The following DOCK4 variants were observed in gnomAD, a reference collection of about 807,000 sequenced individuals.
DOCK4 encodes the protein dedicator of cytokinesis 4, also known as dedicator of cytokinesis protein 4.
In DOCK4, 97 loss-of-function variants were observed where a neutral mutation model predicts 268.1. The observed-to-expected ratio is 0.36, with a 90% CI of 0.31 to 0.43. The LOEUF (loss-of-function observed/expected upper bound fraction) is 0.43, where lower values mean the gene tolerates loss of function less well. DOCK4 is among the 20% of genes least tolerant of loss of function. The pLI, the probability that DOCK4 is intolerant of heterozygous loss-of-function variation, is 1.00. For missense variants in DOCK4, 2,145 were observed against 2,455.7 expected (o/e 0.87, Z 2.67); for synonymous variants, 954 against 887.2 (o/e 1.08, Z -1.34).
intron 1 of DOCK4, among the ~76,000 whole-genome samples, chr7:112,175,599 AT>A (rs10715526): frequency 0.16 from 23,641 of 151,852 alleles, 3,286 homozygotes; most frequent in African/African-American, 0.37. Context: ...AAACTCTCAT[AT>A]TTTTTTTCAG....
intron 26 of DOCK4, among the ~76,000 whole-genome samples, chr7:111,826,736 G>A (rs1016329765): frequency 2.3e-4 from 35 of 152,066 alleles, no homozygotes; most frequent in African/African-American, 8.0e-4. Flanking sequence ...AAAGAAGGGA[G>A]GGAGGGAGAA....
At chr7:112,083,931 C>A (rs878957194) in intron 1 of DOCK4, among the ~76,000 whole-genome samples, 2 of 152,154 alleles carry the variant, frequency 1.3e-5, no homozygotes, top group Non-Finnish European at 2.9e-5. Context: ...CTTTGACCAA[C>A]GGAATGGAAT....
chr7:112,090,342 T>C (rs2135755717), intron 1 of DOCK4, among the ~76,000 whole-genome samples: 1 of 152,278 alleles, frequency 6.6e-6, no homozygotes, highest in East Asian at 1.9e-4. Flanking sequence ...CTGTACAATA[T>C]AGAGTTATGG....
chr7:111,881,865 G>T (rs1807419941), intron 16 of DOCK4, among the ~76,000 whole-genome samples: 2 of 152,100 alleles, frequency 1.3e-5, no homozygotes. Context: ...TTTTTTGTGG[G>T]ATCTAAAAAC....
intron 52 of DOCK4, 73 bp from the exon 53 acceptor site, chr7:111,728,793 C>G: frequency 7.0e-7 from 1 of 1,430,130 alleles, no homozygotes; most frequent in South Asian, 1.4e-5. Flanking sequence ...GAAATGTACG[C>G]CCCGACGCGG....
At chr7:111,748,071 A>T (rs191337941) in intron 42 of DOCK4, among the ~76,000 whole-genome samples, 158 of 152,322 alleles carry the variant, frequency 1.0e-3, no homozygotes, top group African/African-American at 3.6e-3. Flanking sequence ...TCCAGGCTGT[A>T]TGGAGGACCT....
intron 51 of DOCK4, chr7:111,732,520 A>ATATGATGC: frequency 1.8e-6 from 1 of 569,760 alleles, no homozygotes; most frequent in Non-Finnish European, 3.1e-6. Flanking sequence ...ATCATGGCAT[A>ATATGATGC]TATGATGCTT....
At chr7:111,786,397 T>C (rs911589780) in intron 32 of DOCK4, among the ~76,000 whole-genome samples, 3 of 152,192 alleles carry the variant, frequency 2.0e-5, no homozygotes, top group Non-Finnish European at 4.4e-5. Context: ...CAGAATTTAG[T>C]TGTGATACTC....
At position 112,178,754 on chromosome 7, in the gene DOCK4, AT is replaced by A. The variant is rs138969235; in HGVS notation, c.37+27347del. On this transcript the variant is annotated intron_variant, in intron 1 of 52. Transcript: ENST00000428084. ...AAAAAGGGATCCAAAAAATAAAAATATTTTTTCTAAGCCTCATTCATCATAT... is the reference window on the plus strand; with the variant it reads ...AAAAAGGGATCCAAAAAATAAAAATATTTTTCTAAGCCTCATTCATCATAT... Among the ~76,000 whole-genome samples the A allele has an allele frequency of 8.3e-3, 1,268 of 152,148 alleles. 15 individuals carry two copies. The highest frequency in any genetic ancestry group is 0.034 in the Middle Eastern group (10 of 294).
At chr7:112,009,516 C>A (rs775339421) in intron 1 of DOCK4, among the ~76,000 whole-genome samples, 80 of 152,278 alleles carry the variant, frequency 5.3e-4, no homozygotes, top group Middle Eastern at 6.8e-3. Context: ...GGTCTGAAAA[C>A]ATAGCAGTGT....
chr7:112,033,820 G>T (rs764856230), intron 1 of DOCK4, among the ~76,000 whole-genome samples: 13 of 152,260 alleles, frequency 8.5e-5, no homozygotes, highest in Non-Finnish European at 1.3e-4. Context: ...GAAAAAATAA[G>T]TCTTAAGAGA....
chr7:111,928,586 C>CTTTTTT (rs200976875), intron 12 of DOCK4, among the ~76,000 whole-genome samples: 51 of 129,458 alleles, frequency 3.9e-4, no homozygotes, highest in African/African-American at 5.4e-4. Flanking sequence ...TTTTCTTTTT[C>CTTTTTT]TTTTTTTTTT....
intron 12 of DOCK4, among the ~76,000 whole-genome samples, chr7:111,933,761 A>G (rs528773255): frequency 2.0e-5 from 3 of 152,304 alleles, no homozygotes; most frequent in Non-Finnish European, 4.4e-5. Flanking sequence ...CTTTGTCCAA[A>G]GCAAAGGGCC....
chr7:111,769,604 G>C lies in DOCK4; in HGVS notation c.3753C>G (p.Thr1251=). Residue 1251 remains threonine, a synonymous_variant, in exon 37 of 53, where the codon ACC becomes ACG. Coordinates refer to ENST00000428084, the MANE Select transcript of DOCK4 (RefSeq NM_001363540.2). ...GCTGCCATTCTGTTTGCATGGGGTA[G>C]GTCAGGAACTCCCTGAGGGGCCGAT... ...WSDRPLREFL[T]YPMQTEWQRK... 1 of 1,613,774 alleles carries C rather than the reference G, an allele frequency of 6.2e-7. No individual in the cohort carries two copies. The highest frequency in any genetic ancestry group is 8.5e-7 in the Non-Finnish European group (1 of 1,179,818).
At chr7:112,048,209 C>G (rs1225136819) in intron 1 of DOCK4, among the ~76,000 whole-genome samples, 1 of 151,696 alleles carries the variant, frequency 6.6e-6, no homozygotes, top group African/African-American at 2.4e-5. Context: ...AACTATACAT[C>G]ATAATTAAAC....
In DOCK4 at chr7:111,822,375, A is replaced by G. The variant is rs1249486335; in HGVS notation, c.2917T>C (p.Leu973=). ...TAAATGTCTTACTTGTTAGCAACCA[A>G]GCGCATAACAGTCCAGTCCTTTGGA... ...MFPKDWTVMR[L]VANNVIITTV... Residue 973 remains leucine, a synonymous_variant, in exon 27 of 53, where the codon TTG becomes CTG. Coordinates refer to ENST00000428084, the MANE Select transcript of DOCK4 (RefSeq NM_001363540.2). 6.2e-7 allele frequency: 1 copy of G among 1,612,988 alleles called. No homozygotes were observed. The highest frequency in any genetic ancestry group is 1.7e-5 in the Admixed American group (1 of 59,988).
intron 1 of DOCK4, among the ~76,000 whole-genome samples, chr7:112,147,402 T>C (rs1815613456): frequency 6.6e-6 from 1 of 152,204 alleles, no homozygotes; most frequent in African/African-American, 2.4e-5. Context: ...GACATTTATA[T>C]CAGTGCATGT....
chr7:111,802,558 G>A lies in DOCK4; in HGVS notation c.3166+6263C>T, dbSNP rs575307999. Among the ~76,000 whole-genome samples, 23 of 152,216 alleles carry A rather than the reference G, an allele frequency of 1.5e-4. No individual in the cohort carries two copies. In the East Asian group the frequency reaches 4.3e-3, roughly 28 times the overall value. The stretch of plus-strand genomic sequence containing the variant: ...GGAATAGTTCTCCCATGCCTGAGCT[G>A]GTAGATGAGATTCAGAGCTTCTATG... On this transcript the variant is annotated intron_variant, in intron 30 of 52. Transcript: ENST00000428084.
At chr7:111,917,436 G>A (rs1406047435) in intron 12 of DOCK4, among the ~76,000 whole-genome samples, 5 of 151,954 alleles carry the variant, frequency 3.3e-5, no homozygotes, top group Non-Finnish European at 5.9e-5. Context: ...TTTGCTGGCC[G>A]GGTGCGGTGG....
Sources: gnomAD v4.1 joint callset for allele counts (sites outside exome capture counted in the v4.1 genomes callset) on GRCh38, gnomAD v4.1.1 for gene constraint, MANE v1.5 for transcripts, NCBI Gene and HGNC (gene_info 2026-07-23, HGNC 2026-07-21) for gene names.